Variants in IMMP2L observed in about 807,000 individuals in gnomAD.
IMMP2L encodes inner mitochondrial membrane peptidase subunit 2, also known as mitochondrial inner membrane protease subunit 2.
In IMMP2L, 18 loss-of-function variants were observed where a neutral mutation model predicts 19.3. The ratio of observed to expected loss-of-function variants is 0.93; its 90% CI spans 0.64 to 1.38. The LOEUF is 1.38. Ranked by LOEUF, IMMP2L falls within the 40% of genes most tolerant of loss-of-function variation. The pLI is 0.00. For missense variants in IMMP2L, 233 were observed against 218.2 expected (o/e 1.07, Z -0.43); for synonymous variants, 76 against 73.0 (o/e 1.04, Z -0.21).
intron 3 of IMMP2L, among the ~76,000 whole-genome samples, chr7:111,460,156 G>A (rs1840015349): frequency 6.6e-6 from 1 of 152,080 alleles, no homozygotes; most frequent in African/African-American, 2.4e-5. Context: ...CAGAGCCTCA[G>A]TCACAAATTG....
chr7:110,901,558 C>A (rs1252052741), intron 4 of IMMP2L, among the ~76,000 whole-genome samples: 1 of 152,098 alleles, frequency 6.6e-6, no homozygotes, highest in Non-Finnish European at 1.5e-5. Context: ...GTCTAAAAAC[C>A]AAACCGATGA....
intron 3 of IMMP2L, among the ~76,000 whole-genome samples, chr7:111,446,085 A>G (rs1164742504): frequency 6.6e-6 from 1 of 151,910 alleles, no homozygotes; most frequent in African/African-American, 2.4e-5. Context: ...GATTGCTAGC[A>G]CAGCAGTCTG....
At chr7:110,993,996 C>T (rs758965007) in intron 3 of IMMP2L, among the ~76,000 whole-genome samples, 1 of 151,884 alleles carries the variant, frequency 6.6e-6, no homozygotes, top group East Asian at 1.9e-4. Flanking sequence ...CATGTTAGAA[C>T]GTATCTTCTC....
chr7:110,681,536 T>C (rs1477491666), intron 5 of IMMP2L, among the ~76,000 whole-genome samples: 1 of 152,138 alleles, frequency 6.6e-6, no homozygotes, highest in Admixed American at 6.6e-5. Context: ...ACAAGAAAAC[T>C]AGTGATTATT....
At chr7:111,056,942 C>T (rs1793563767) in intron 3 of IMMP2L, among the ~76,000 whole-genome samples, 1 of 151,992 alleles carries the variant, frequency 6.6e-6, no homozygotes, top group Non-Finnish European at 1.5e-5. Flanking sequence ...CCCTGTGTTG[C>T]TCAAGGGTCA....
intron 3 of IMMP2L, among the ~76,000 whole-genome samples, chr7:111,358,437 G>GA (rs35515230): frequency 1.3e-5 from 2 of 151,152 alleles, no homozygotes; most frequent in East Asian, 1.9e-4. Flanking sequence ...CCTACCTAAG[G>GA]AAAAAAAATC....
chr7:111,200,971 G>A (rs1249366915), intron 3 of IMMP2L, among the ~76,000 whole-genome samples: 2 of 152,054 alleles, frequency 1.3e-5, no homozygotes, highest in African/African-American at 2.4e-5. Context: ...AAACCAAAGA[G>A]CTTTTCCTTG....
At chr7:111,356,641 A>C (rs1828730105) in intron 3 of IMMP2L, among the ~76,000 whole-genome samples, 1 of 152,150 alleles carries the variant, frequency 6.6e-6, no homozygotes, top group African/African-American at 2.4e-5. Context: ...CAATGCTATA[A>C]AGTTAACTTT....
rs76914037 is a variant in IMMP2L at position 111,453,969 on chromosome 7, T to C, written c.239+33269A>G. On this transcript the variant is annotated intron_variant, in intron 3 of 5. Coordinates refer to ENST00000405709, the MANE Select transcript of IMMP2L (RefSeq NM_032549.4). ...TGTAAAGGGTTACGTCTCAAAAATA[T>C]ACCTCACCCAGCTGATACACATAAC... Among the ~76,000 whole-genome samples the C allele has an allele frequency of 2.2e-3, 339 of 152,274 alleles. 2 individuals carry two copies. The highest frequency in any genetic ancestry group is 6.4e-3 in the African/African-American group (266 of 41,560).
chr7:110,743,827 G>A (rs1040450628), intron 5 of IMMP2L, among the ~76,000 whole-genome samples: 4 of 152,208 alleles, frequency 2.6e-5, no homozygotes, highest in African/African-American at 4.8e-5. Flanking sequence ...AAAACTGGGC[G>A]GCCATTTGGG....
chr7:110,863,693 T>G (rs1807690383), intron 5 of IMMP2L, among the ~76,000 whole-genome samples: 1 of 152,290 alleles, frequency 6.6e-6, no homozygotes, highest in Admixed American at 6.5e-5. Flanking sequence ...TGTGGCCAGA[T>G]GATTTTTGCC....
intron 3 of IMMP2L, among the ~76,000 whole-genome samples, chr7:111,433,418 G>A (rs550642844): frequency 6.6e-6 from 1 of 151,828 alleles, no homozygotes; most frequent in Non-Finnish European, 1.5e-5. Context: ...ATCTTACACG[G>A]ATGGCAGCAG....
At chr7:111,360,227 T>A (rs893169952) in intron 3 of IMMP2L, among the ~76,000 whole-genome samples, 3 of 152,132 alleles carry the variant, frequency 2.0e-5, no homozygotes, top group Admixed American at 2.0e-4. Context: ...ATAATACATA[T>A]GCAAAAACTA....
chr7:110,770,549 T>C (rs1798966506), intron 5 of IMMP2L, among the ~76,000 whole-genome samples: 1 of 152,204 alleles, frequency 6.6e-6, no homozygotes, highest in Non-Finnish European at 1.5e-5. Context: ...CACTGTCTTG[T>C]CCCTGTCAAA....
At chr7:111,176,111 C>T (rs1807033186) in intron 3 of IMMP2L, among the ~76,000 whole-genome samples, 1 of 151,794 alleles carries the variant, frequency 6.6e-6, no homozygotes, top group East Asian at 1.9e-4. Context: ...ATCTGAAAGA[C>T]AGACAATAAT....
intron 5 of IMMP2L, among the ~76,000 whole-genome samples, chr7:110,749,331 G>C (rs1584713064): frequency 6.6e-6 from 1 of 152,322 alleles, no homozygotes; most frequent in East Asian, 1.9e-4. Flanking sequence ...GTGGAAGACA[G>C]TGTGGCGATT....
chr7:110,769,438 T>C (rs1189068318), intron 5 of IMMP2L, among the ~76,000 whole-genome samples: 1 of 152,192 alleles, frequency 6.6e-6, no homozygotes, highest in Non-Finnish European at 1.5e-5. Context: ...GATTGTCCAG[T>C]TAATAAATTA....
At chr7:111,377,689 T>A (rs1035856412) in intron 3 of IMMP2L, among the ~76,000 whole-genome samples, 4 of 152,002 alleles carry the variant, frequency 2.6e-5, no homozygotes, top group African/African-American at 9.7e-5. Context: ...ATCTAATAAA[T>A]CCTCTTCTTA....
At chr7:110,993,014 C>T (rs1354546750) in intron 3 of IMMP2L, among the ~76,000 whole-genome samples, 4 of 152,150 alleles carry the variant, frequency 2.6e-5, no homozygotes, top group Non-Finnish European at 5.9e-5. Flanking sequence ...TTCCTGAACT[C>T]TCAACCTAAT....
Sources: gnomAD v4.1 joint callset for allele counts (sites outside exome capture counted in the v4.1 genomes callset) on GRCh38, gnomAD v4.1.1 for gene constraint, MANE v1.5 for transcripts, NCBI Gene and HGNC (gene_info 2026-07-23, HGNC 2026-07-21) for gene names.